DLG2: variants seen among roughly 807,000 people sequenced by gnomAD.
DLG2 encodes discs large MAGUK scaffold protein 2, also known as disks large homolog 2.
Under a neutral mutation model 132.5 loss-of-function variants are expected in DLG2, and 45 were observed. That is an observed-to-expected ratio of 0.34 (90% CI 0.27 to 0.44). The LOEUF is 0.44. Ranked by LOEUF, DLG2 falls within the 20% of genes least tolerant of loss-of-function variation. The pLI is 1.00. For synonymous variants in DLG2, 424 were observed against 419.6 expected (o/e 1.01, Z -0.13); for missense variants, 1,045 against 1,196.9 (o/e 0.87, Z 1.87).
At chr11:83,797,888 G>C (rs1183202870) in intron 17 of DLG2, among the ~76,000 whole-genome samples, 2 of 152,162 alleles carry the variant, frequency 1.3e-5, no homozygotes, top group South Asian at 2.1e-4. Context: ...AGCCATTTTA[G>C]TATATTTGAC....
At chr11:84,398,286 T>A (rs754272510) in intron 7 of DLG2, among the ~76,000 whole-genome samples, 28 of 152,056 alleles carry the variant, frequency 1.8e-4, no homozygotes, top group Non-Finnish European at 3.7e-4. Flanking sequence ...GTGGACAGCA[T>A]CAGAGGTAGT....
chr11:83,973,711 T>A (rs67082438), intron 12 of DLG2, among the ~76,000 whole-genome samples: 6,425 of 151,842 alleles, frequency 0.042, 194 homozygotes, highest in Non-Finnish European at 0.067. Flanking sequence ...CCTAAAAAAA[T>A]AAAATAAAAT....
chr11:85,593,796 G>A (rs1290529961), intron 3 of DLG2, among the ~76,000 whole-genome samples: 1 of 152,098 alleles, frequency 6.6e-6, no homozygotes, highest in East Asian at 1.9e-4. Flanking sequence ...AGGAAAATAT[G>A]TAGGGTTTTT....
In DLG2 at chr11:85,519,078, T is replaced by G. The variant is rs1204333897; in HGVS notation, c.40+79579A>C. Among the ~76,000 whole-genome samples, 4 of 151,924 alleles carry G rather than the reference T, an allele frequency of 2.6e-5. No homozygotes were observed. In the East Asian group the frequency reaches 7.8e-4, roughly 29 times the overall value. ...GTTTGCTGTGGGGGCAGGGCCCTCA[T>G]GGAGAACCTCCACTAGGGCAGTGCA... is the stretch of plus-strand genomic sequence containing the variant. On this transcript the variant is annotated intron_variant, in intron 3 of 27. Transcript: ENST00000376104.
intron 6 of DLG2, among the ~76,000 whole-genome samples, chr11:84,737,303 T>C (rs2063965618): frequency 6.6e-6 from 1 of 152,056 alleles, no homozygotes; most frequent in African/African-American, 2.4e-5. Context: ...TATTAGTCTG[T>C]AACATTTTTT....
chr11:84,490,397 C>A (rs929979394), intron 7 of DLG2, among the ~76,000 whole-genome samples: 1 of 152,046 alleles, frequency 6.6e-6, no homozygotes, highest in Non-Finnish European at 1.5e-5. Flanking sequence ...CTTCTAAATT[C>A]CATTATTGTA....
At chr11:85,368,840 G>A (rs192750331) in intron 3 of DLG2, among the ~76,000 whole-genome samples, 5 of 152,348 alleles carry the variant, frequency 3.3e-5, no homozygotes, top group Admixed American at 3.3e-4. Flanking sequence ...TGGAACCGCA[G>A]GAAGTTCACA....
chr11:84,378,631 C>T (rs2098738367), intron 7 of DLG2, among the ~76,000 whole-genome samples: 1 of 151,648 alleles, frequency 6.6e-6, no homozygotes, highest in Non-Finnish European at 1.5e-5. Context: ...TTCTAAAAAC[C>T]ACCAATATAA....
At chr11:85,282,980 A>C (rs763284383) in intron 4 of DLG2, among the ~76,000 whole-genome samples, 1 of 151,986 alleles carries the variant, frequency 6.6e-6, no homozygotes, top group Non-Finnish European at 1.5e-5. Context: ...GCCAACTAAC[A>C]CAGGAACAAA....
chr11:84,176,172 G>C (rs1375069690), intron 8 of DLG2, among the ~76,000 whole-genome samples: 1 of 151,694 alleles, frequency 6.6e-6, no homozygotes, highest in Non-Finnish European at 1.5e-5. Context: ...CCCCCTAGCA[G>C]ACATGTACAT....
At chr11:85,059,517 C>A (rs2063810801) in intron 6 of DLG2, among the ~76,000 whole-genome samples, 2 of 151,626 alleles carry the variant, frequency 1.3e-5, no homozygotes, top group African/African-American at 4.8e-5. Flanking sequence ...CCATCAACAT[C>A]AGAGTGAACA....
intron 7 of DLG2, among the ~76,000 whole-genome samples, chr11:84,272,480 G>C (rs994730850): frequency 1.3e-5 from 2 of 151,980 alleles, no homozygotes; most frequent in Admixed American, 6.6e-5. Context: ...TATTCTTCTT[G>C]GTAGTCCTAT....
intron 6 of DLG2, among the ~76,000 whole-genome samples, chr11:84,691,661 T>A (rs1244793054): frequency 6.6e-6 from 1 of 151,710 alleles, no homozygotes; most frequent in Non-Finnish European, 1.5e-5. Context: ...TTTAGCTTTT[T>A]TTTTTCTGGC....
chr11:84,905,549 G>A (rs2091407358), intron 6 of DLG2, among the ~76,000 whole-genome samples: 1 of 152,126 alleles, frequency 6.6e-6, no homozygotes, highest in African/African-American at 2.4e-5. Flanking sequence ...CACAGGAAAT[G>A]TATGATTTGA....
At chr11:85,476,954 C>T (rs935634130) in intron 3 of DLG2, among the ~76,000 whole-genome samples, 38 of 152,096 alleles carry the variant, frequency 2.5e-4, no homozygotes, top group African/African-American at 8.9e-4. Context: ...ATGTACTGTA[C>T]ATAATTTTAT....
intron 6 of DLG2, among the ~76,000 whole-genome samples, chr11:84,971,689 T>G (rs2054117635): frequency 6.6e-6 from 1 of 152,108 alleles, no homozygotes; most frequent in Non-Finnish European, 1.5e-5. Context: ...TTTAAAAGGG[T>G]AATTCTTTGA....
chr11:84,708,349 C>A (rs2153751608), intron 6 of DLG2, among the ~76,000 whole-genome samples: 1 of 151,810 alleles, frequency 6.6e-6, no homozygotes, highest in South Asian at 2.1e-4. Flanking sequence ...TTCTAAATTG[C>A]CAGATAAAAT....
chr11:84,749,479 G>A (rs553461569), intron 6 of DLG2, among the ~76,000 whole-genome samples: 3 of 152,098 alleles, frequency 2.0e-5, no homozygotes, highest in African/African-American at 7.2e-5. Flanking sequence ...ATATGTTTAG[G>A]TATATAAATA....
intron 6 of DLG2, among the ~76,000 whole-genome samples, chr11:85,073,559 G>A (rs1193208099): frequency 5.3e-5 from 8 of 151,780 alleles, no homozygotes; most frequent in Non-Finnish European, 1.2e-4. Context: ...TTTGCTTTCA[G>A]CCTTTCACTA....
Sources: gnomAD v4.1 joint callset for allele counts (sites outside exome capture counted in the v4.1 genomes callset) on GRCh38, gnomAD v4.1.1 for gene constraint, MANE v1.5 for transcripts, NCBI Gene and HGNC (gene_info 2026-07-23, HGNC 2026-07-21) for gene names.